Variants in MCPH1 observed in about 807,000 individuals in gnomAD.
MCPH1 encodes the protein microcephalin 1.
Under a neutral mutation model 84.5 loss-of-function variants are expected in MCPH1, and 104 were observed. The ratio of observed to expected loss-of-function variants is 1.23; its 90% CI spans 1.05 to 1.45. The LOEUF (loss-of-function observed/expected upper bound fraction) is 1.45. MCPH1 is among the 40% of genes most tolerant of loss of function. The pLI is 0.00. For missense variants in MCPH1, 1,498 were observed against 1,005.7 expected (o/e 1.49, Z -6.62); for synonymous variants, 514 against 366.8 (o/e 1.40, Z -4.58).
intron 8 of MCPH1, among the ~76,000 whole-genome samples, chr8:6,450,955 G>C (rs1418376740): frequency 6.6e-6 from 1 of 152,074 alleles, no homozygotes; most frequent in Admixed American, 6.6e-5. Context: ...CAATCTGCCC[G>C]CCTCTGCCTC....
chr8:6,533,107 T>C (rs1486155865), intron 12 of MCPH1, among the ~76,000 whole-genome samples: 1 of 152,250 alleles, frequency 6.6e-6, no homozygotes, highest in Non-Finnish European at 1.5e-5. Flanking sequence ...CATGTATGCA[T>C]TTTTCACAAT....
chr8:6,518,688 G>A (rs555009449), intron 12 of MCPH1, among the ~76,000 whole-genome samples: 6 of 152,196 alleles, frequency 3.9e-5, no homozygotes, highest in African/African-American at 1.2e-4. Context: ...CAAGAGCCTC[G>A]AAAATTTCCA....
chr8:6,434,074 C>A (rs1406614556), intron 4 of MCPH1, among the ~76,000 whole-genome samples: 2 of 152,186 alleles, frequency 1.3e-5, no homozygotes, highest in African/African-American at 2.4e-5. Context: ...TCCTGCCACC[C>A]GTTTATACCA....
At position 6,414,613 on chromosome 8, in the gene MCPH1, G is replaced by T. The variant is rs899304192; in HGVS notation, c.115-152G>T. The T allele has an allele frequency of 1.4e-5, 10 of 698,158 alleles. No homozygotes were observed. The Admixed American group carries it at 2.9e-4, about 20-fold the overall frequency. 43.2% of individuals were successfully genotyped at this position (698,158 alleles called of 1,614,324 possible). On this transcript the variant is annotated intron_variant, in intron 2 of 13. Coordinates refer to ENST00000344683, the MANE Select transcript of MCPH1 (RefSeq NM_024596.5). ...ATGATTCACCGTTGTAACTGGAACA[G>T]ATATGTTTTAAGCAGCGTTATGCAT... is the stretch of plus-strand genomic sequence containing the variant.
chr8:6,641,471 G>C (rs967967000), intron 13 of MCPH1, among the ~76,000 whole-genome samples: 1 of 152,210 alleles, frequency 6.6e-6, no homozygotes, highest in Non-Finnish European at 1.5e-5. Context: ...GCCAGGTGTG[G>C]TGGGTTATGT....
At chr8:6,492,854 G>A (rs1012129554) in intron 11 of MCPH1, among the ~76,000 whole-genome samples, 51 of 151,870 alleles carry the variant, frequency 3.4e-4, no homozygotes, top group Non-Finnish European at 5.9e-5. Flanking sequence ...TTGTACTCTT[G>A]GGTAGTACAG....
At chr8:6,503,867 C>G (rs1586166170) in intron 12 of MCPH1, among the ~76,000 whole-genome samples, 2 of 152,252 alleles carry the variant, frequency 1.3e-5, no homozygotes, top group Middle Eastern at 6.8e-3. Context: ...CCCATCTGCA[C>G]CTTAATTTCT....
chr8:6,499,801 C>T (rs373751891), intron 11 of MCPH1, 51 bp from the exon 12 acceptor site: 3 of 1,534,656 alleles, frequency 2.0e-6, no homozygotes, highest in Non-Finnish European at 2.7e-6. Flanking sequence ...GGTTTATTGC[C>T]TGCTAAGGCT....
Position 6,480,857 on chromosome 8 carries a change from G to A in MCPH1, c.2117G>A (p.Trp706Ter). Residue 706 changes from tryptophan to a stop codon, truncating the protein, a stop_gained, in exon 11 of 14, where the codon TGG becomes TAG. Transcript: ENST00000344683. LOFTEE classifies it high-confidence loss of function. ...CTGCTGGGAATTGCGCGTGGCTGCT[G>A]GGTTCTCTCTTATGATTGGGTAAGC... is the stretch of plus-strand genomic sequence containing the variant. ...NVLLGIARGCWVLSYDWVLWS... is the reference protein window; with the variant it reads ...NVLLGIARGC 6.2e-7 allele frequency: 1 copy of A among 1,614,126 alleles called. No individual in the cohort carries two copies.
intron 3 of MCPH1, among the ~76,000 whole-genome samples, chr8:6,419,184 C>A (rs1209481757): frequency 2.4e-4 from 4 of 16,740 alleles, no homozygotes; most frequent in Non-Finnish European, 1.8e-3. Context: ...CACACACACA[C>A]ACACGCATTT....
At chr8:6,445,602 A>T in intron 8 of MCPH1, 55 bp downstream of exon 8, 3 of 1,521,250 alleles carry the variant, frequency 2.0e-6, no homozygotes, top group Non-Finnish European at 2.6e-6. Flanking sequence ...GTAACAGTGC[A>T]TCCATATTTT....
At chr8:6,602,564 C>A (rs540275123) in intron 12 of MCPH1, among the ~76,000 whole-genome samples, 2 of 152,082 alleles carry the variant, frequency 1.3e-5, no homozygotes, top group Non-Finnish European at 2.9e-5. Context: ...ACTCAGAGAG[C>A]CTTCCCCAAA....
At chr8:6,472,291 AT>A (rs1807831500) in intron 9 of MCPH1, among the ~76,000 whole-genome samples, 1 of 152,220 alleles carries the variant, frequency 6.6e-6, no homozygotes, top group Admixed American at 6.5e-5. Flanking sequence ...AATAACATAT[AT>A]TTAACCTAGG....
At chr8:6,565,770 A>G (rs563763769) in intron 12 of MCPH1, among the ~76,000 whole-genome samples, 1 of 152,336 alleles carries the variant, frequency 6.6e-6, no homozygotes, top group South Asian at 2.1e-4. Flanking sequence ...CCCATAAACA[A>G]ATTGGATGTG....
At chr8:6,631,210 A>G (rs888929131) in intron 13 of MCPH1, among the ~76,000 whole-genome samples, 3 of 152,168 alleles carry the variant, frequency 2.0e-5, no homozygotes, top group African/African-American at 4.8e-5. Context: ...TAGCTGATTC[A>G]TACCTGAAGG....
chr8:6,512,354 A>C (rs1339964084), intron 12 of MCPH1, among the ~76,000 whole-genome samples: 4 of 152,188 alleles, frequency 2.6e-5, no homozygotes, highest in African/African-American at 9.7e-5. Flanking sequence ...GTCTCCTTTC[A>C]GACTGTTCAG....
At chr8:6,582,511 T>C (rs2129577127) in intron 12 of MCPH1, among the ~76,000 whole-genome samples, 1 of 152,306 alleles carries the variant, frequency 6.6e-6, no homozygotes. Flanking sequence ...TCAGCACACG[T>C]TCTCTTCATT....
chr8:6,445,447 A>C lies in MCPH1; in HGVS notation c.1725A>C (p.Glu575Asp). The C allele has an allele frequency of 6.2e-7, 1 of 1,614,270 alleles. No homozygotes were observed. The highest frequency in any genetic ancestry group is 8.5e-7 in the Non-Finnish European group (1 of 1,180,056). Reference protein sequence around the residue: ...GTTSKISNSSEGEAQSEHEPC... With the variant: ...GTTSKISNSSDGEAQSEHEPC... ...CTTCCAAAATATCAAACTCCTCTGA[A>C]GGCGAAGCCCAGAGTGAACATGAGC... is the stretch of plus-strand genomic sequence containing the variant. The change falls in exon 8 of 14, where the codon GAA becomes GAC. Residue 575 changes from glutamate (E) to aspartate (D), a missense_variant. Glu to Asp is a conservative substitution (Grantham distance 45, BLOSUM62 2). Transcript: ENST00000344683.
At position 6,630,386 on chromosome 8, in the gene MCPH1, A is replaced by T. The variant is rs190252983; in HGVS notation, c.2452+8695A>T. Among the ~76,000 whole-genome samples, 33 of 152,360 alleles carry T rather than the reference A, an allele frequency of 2.2e-4. 1 individual carries two copies. In the East Asian group the frequency reaches 6.0e-3, roughly 28 times the overall value. On this transcript the variant is annotated intron_variant, in intron 13 of 13. Coordinates refer to ENST00000344683, the MANE Select transcript of MCPH1 (RefSeq NM_024596.5). Reference sequence around the variant, plus strand: ...GAACAATTTAATACCAATAAATTTGAAAACAGGTAAGATGGATGATTTTTA... The same window carrying T: ...GAACAATTTAATACCAATAAATTTGTAAACAGGTAAGATGGATGATTTTTA...
Sources: gnomAD v4.1 joint callset for allele counts (sites outside exome capture counted in the v4.1 genomes callset) on GRCh38, gnomAD v4.1.1 for gene constraint, MANE v1.5 for transcripts, NCBI Gene and HGNC (gene_info 2026-07-23, HGNC 2026-07-21) for gene names.